The following NKAIN2 variants were observed in gnomAD, a reference collection of about 807,000 sequenced individuals.
NKAIN2 encodes the protein sodium/potassium-transporting ATPase subunit beta-1-interacting protein 2.
A neutral mutation model predicts 32.6 loss-of-function variants in NKAIN2; 14 were observed. The observed-to-expected ratio is 0.43, with a 90% confidence interval of 0.28 to 0.67. NKAIN2 has a LOEUF of 0.67. Among genes scored for constraint, NKAIN2 ranks in the 30% least tolerant of loss-of-function variants. NKAIN2 has a pLI of 0.17. For synonymous variants in NKAIN2, 80 were observed against 87.2 expected, an observed-to-expected ratio of 0.92 and a Z score of 0.46; for missense variants, 198 against 258.3, an observed-to-expected ratio of 0.77 and a Z score of 1.60.
intron 3 of NKAIN2, among the ~76,000 whole-genome samples, chr6:124,651,960 G>A (rs976890089): frequency 6.6e-6 from 1 of 152,142 alleles, no homozygotes; most frequent in African/African-American, 2.4e-5. Context: ...GGTCAAGGCT[G>A]AAACTCCTTT....
intron 3 of NKAIN2, among the ~76,000 whole-genome samples, chr6:124,423,731 C>T (rs1774856820): frequency 6.6e-6 from 1 of 152,144 alleles, no homozygotes; most frequent in African/African-American, 2.4e-5. Context: ...AGGAGCACAG[C>T]ATTCATCCCT....
At chr6:124,342,457 A>G (rs1798170215) in intron 2 of NKAIN2, among the ~76,000 whole-genome samples, 1 of 140,074 alleles carries the variant, frequency 7.1e-6, no homozygotes, top group Non-Finnish European at 1.5e-5. Context: ...AAAACACCTC[A>G]TTGTTAAAAA....
intron 3 of NKAIN2, among the ~76,000 whole-genome samples, chr6:124,651,087 C>G (rs1438318903): frequency 6.6e-6 from 1 of 152,132 alleles, no homozygotes; most frequent in African/African-American, 2.4e-5. Flanking sequence ...CAATAAAGTC[C>G]AAAACCCAAT....
chr6:124,646,183 A>T (rs1267469058), intron 3 of NKAIN2, among the ~76,000 whole-genome samples: 2 of 152,192 alleles, frequency 1.3e-5, no homozygotes, highest in Non-Finnish European at 2.9e-5. Flanking sequence ...ATATAATTTT[A>T]AAACTCTGAT....
intron 3 of NKAIN2, among the ~76,000 whole-genome samples, chr6:124,512,183 G>A (rs754951715): frequency 6.6e-5 from 10 of 152,154 alleles, no homozygotes; most frequent in Non-Finnish European, 1.3e-4. Context: ...TGGAAAGGAT[G>A]TATATTTGAA....
At chr6:124,582,992 A>G (rs1433515823) in intron 3 of NKAIN2, among the ~76,000 whole-genome samples, 1 of 152,126 alleles carries the variant, frequency 6.6e-6, no homozygotes, top group Non-Finnish European at 1.5e-5. Flanking sequence ...AGACATATAC[A>G]AAAGGCTCAC....
At chr6:124,783,004 G>A (rs2114789387) in intron 4 of NKAIN2, among the ~76,000 whole-genome samples, 1 of 152,170 alleles carries the variant, frequency 6.6e-6, no homozygotes, top group Non-Finnish European at 1.5e-5. Context: ...GCGATTTCAT[G>A]GTAGTTCTAT....
At chr6:123,823,952 CA>C (rs1774031247) in intron 1 of NKAIN2, among the ~76,000 whole-genome samples, 1 of 152,098 alleles carries the variant, frequency 6.6e-6, no homozygotes. Flanking sequence ...ATGGAAAACA[CA>C]TAGCATATTC....
At chr6:124,256,259 A>G (rs113624597) in intron 1 of NKAIN2, among the ~76,000 whole-genome samples, 104 of 152,304 alleles carry the variant, frequency 6.8e-4, no homozygotes, top group African/African-American at 2.3e-3. Flanking sequence ...GGAAAACTGC[A>G]TTGGTTTATG....
At chr6:124,157,948 AT>A (rs1788071533) in intron 1 of NKAIN2, among the ~76,000 whole-genome samples, 1 of 152,212 alleles carries the variant, frequency 6.6e-6, no homozygotes, top group Non-Finnish European at 1.5e-5. Flanking sequence ...TTGTGTCCAC[AT>A]TTACTCAACC....
At chr6:124,609,589 G>A (rs889009808) in intron 3 of NKAIN2, among the ~76,000 whole-genome samples, 1 of 151,964 alleles carries the variant, frequency 6.6e-6, no homozygotes, top group Admixed American at 6.6e-5. Flanking sequence ...TGATCGATGT[G>A]TCTCCCACTC....
intron 3 of NKAIN2, among the ~76,000 whole-genome samples, chr6:124,589,272 C>T (rs72973889): frequency 6.6e-6 from 1 of 152,296 alleles, no homozygotes; most frequent in Non-Finnish European, 1.5e-5. Flanking sequence ...CCTCATTTTT[C>T]TGCTATTGTA....
At chr6:123,825,326 A>G (rs924566147) in intron 1 of NKAIN2, among the ~76,000 whole-genome samples, 2 of 152,184 alleles carry the variant, frequency 1.3e-5, no homozygotes, top group Non-Finnish European at 2.9e-5. Flanking sequence ...CTAAAGAAAT[A>G]TGCTTCTATT....
chr6:124,241,150 A>G (rs1000066581), intron 1 of NKAIN2, among the ~76,000 whole-genome samples: 1 of 152,222 alleles, frequency 6.6e-6, no homozygotes, highest in African/African-American at 2.4e-5. Context: ...CAATTGCTAC[A>G]AAGATAATAA....
intron 3 of NKAIN2, among the ~76,000 whole-genome samples, chr6:124,614,886 A>T (rs1782825977): frequency 6.6e-6 from 1 of 152,186 alleles, no homozygotes; most frequent in Non-Finnish European, 1.5e-5. Flanking sequence ...TCATTTTATC[A>T]TTTGCTTAGT....
intron 1 of NKAIN2, among the ~76,000 whole-genome samples, chr6:123,974,717 G>A (rs535557730): frequency 6.6e-6 from 1 of 152,260 alleles, no homozygotes; most frequent in African/African-American, 2.4e-5. Context: ...TTATGCAACT[G>A]AGATCGAGCG....
intron 3 of NKAIN2, among the ~76,000 whole-genome samples, chr6:124,507,220 TG>T (rs1466874398): frequency 1.3e-5 from 2 of 152,196 alleles, no homozygotes; most frequent in African/African-American, 4.8e-5. Context: ...CTTGAAAATG[TG>T]GGGCATATTA....
intron 1 of NKAIN2, among the ~76,000 whole-genome samples, chr6:124,067,424 G>A (rs1316415247): frequency 1.3e-5 from 2 of 151,916 alleles, no homozygotes; most frequent in Admixed American, 6.6e-5. Flanking sequence ...TCCATTATGA[G>A]AAACCCTGAT....
intron 3 of NKAIN2, among the ~76,000 whole-genome samples, chr6:124,640,565 CA>C (rs1783947917): frequency 6.6e-6 from 1 of 151,806 alleles, no homozygotes; most frequent in Admixed American, 6.6e-5. Flanking sequence ...AAAGCTCTGC[CA>C]AAAAAGGATT....
Sources: gnomAD v4.1 joint callset for allele counts (sites outside exome capture counted in the v4.1 genomes callset) on GRCh38, gnomAD v4.1.1 for gene constraint, MANE v1.5 for transcripts, NCBI Gene and HGNC (gene_info 2026-07-23, HGNC 2026-07-21) for gene names.